The following WDPCP variants were observed in gnomAD, a reference collection of about 807,000 sequenced individuals.
The protein encoded by WDPCP is WD repeat containing planar cell polarity effector.
Under a neutral mutation model 93.1 loss-of-function variants are expected in WDPCP, and 71 were observed. The ratio of observed to expected loss-of-function variants is 0.76; its 90% confidence interval spans 0.63 to 0.93. WDPCP has a LOEUF of 0.93. WDPCP is among the 40% of genes least tolerant of loss of function. The pLI is 0.00. For missense variants in WDPCP, 844 were observed against 887.4 expected (o/e 0.95, Z 0.62); for synonymous variants, 315 against 315.0 (o/e 1.00, Z 0.00).
Position 63,662,582 on chromosome 2 carries a change from A to G in WDPCP, n.309-11744T>C, listed in dbSNP as rs183769511. ...GTTGCAGCACAGGAGAGGAATACCA[A>G]AGTCATGAGACTTGGAGCTTTATAT... On this transcript the variant is annotated intron_variant and non_coding_transcript_variant, in intron 2 of 4. Coordinates refer to the WDPCP transcript ENST00000467687. 8.0e-4 allele frequency among the ~76,000 whole-genome samples: 121 copies of G among 151,840 alleles called. 1 individual carries two copies. The highest frequency in any genetic ancestry group is 7.9e-3 in the Admixed American group (121 of 15,246).
At chr2:63,453,778 G>A (rs1429077349) in intron 6 of WDPCP, among the ~76,000 whole-genome samples, 3 of 152,038 alleles carry the variant, frequency 2.0e-5, no homozygotes, top group East Asian at 1.9e-4. Flanking sequence ...AAAAGGATGG[G>A]TGCATGTCCT....
intron 2 of WDPCP, among the ~76,000 whole-genome samples, chr2:63,653,909 C>CAAAA (rs34250036): frequency 1.9e-3 from 260 of 133,524 alleles, no homozygotes; most frequent in African/African-American, 6.5e-3. Context: ...GACTCCATCT[C>CAAAA]AAAAAAAAAA....
At chr2:63,797,276 A>G (rs953128439) in intron 2 of WDPCP, among the ~76,000 whole-genome samples, 1 of 152,066 alleles carries the variant, frequency 6.6e-6, no homozygotes, top group Admixed American at 6.6e-5. Context: ...AGTTCCTACG[A>G]GGAGGACTCT....
chr2:63,677,735 A>T (rs1004445479), intron 2 of WDPCP, among the ~76,000 whole-genome samples: 10 of 152,196 alleles, frequency 6.6e-5, no homozygotes, highest in Admixed American at 3.3e-4. Context: ...ATGAAGTAAA[A>T]TAAGAGCATT....
chr2:63,182,715 T>C (rs1245014088), intron 14 of WDPCP, among the ~76,000 whole-genome samples: 1 of 151,880 alleles, frequency 6.6e-6, no homozygotes. Context: ...TCAGAGGGCA[T>C]TGGTACCAGT....
chr2:63,405,581 G>A (rs193044634), intron 9 of WDPCP, among the ~76,000 whole-genome samples: 9 of 136,286 alleles, frequency 6.6e-5, no homozygotes, highest in African/African-American at 2.4e-4. Context: ...GTGTGTGTGT[G>A]TGTGTTGGCG....
chr2:63,382,827 C>G (rs1692420965), intron 10 of WDPCP, among the ~76,000 whole-genome samples: 1 of 152,078 alleles, frequency 6.6e-6, no homozygotes, highest in Non-Finnish European at 1.5e-5. Context: ...TGGGGAATTG[C>G]CCTGACTATA....
chr2:63,607,458 C>T (rs553775088), intron 3 of WDPCP, among the ~76,000 whole-genome samples: 1 of 150,590 alleles, frequency 6.6e-6, no homozygotes, highest in Admixed American at 6.6e-5. Context: ...AATAGGTTGT[C>T]CCGGGGGGCG....
chr2:63,507,931 T>C (rs1290462079), intron 1 of WDPCP, among the ~76,000 whole-genome samples: 1 of 152,134 alleles, frequency 6.6e-6, no homozygotes, highest in Non-Finnish European at 1.5e-5. Context: ...AATATGGGAC[T>C]ATGTGAAAAG....
At chr2:63,225,116 A>ATACTT (rs1678173738) in intron 14 of WDPCP, among the ~76,000 whole-genome samples, 2 of 151,882 alleles carry the variant, frequency 1.3e-5, no homozygotes, top group African/African-American at 4.8e-5. Flanking sequence ...GAATGAAAAA[A>ATACTT]TACTTTTCAG....
intron 14 of WDPCP, among the ~76,000 whole-genome samples, chr2:63,224,969 G>A (rs1678160184): frequency 6.6e-6 from 1 of 151,588 alleles, no homozygotes; most frequent in South Asian, 2.1e-4. Flanking sequence ...TGTTGTTATA[G>A]GGGAAGACTG....
chr2:63,824,167 G>A (rs1434846010), intron 1 of WDPCP, among the ~76,000 whole-genome samples: 1 of 151,982 alleles, frequency 6.6e-6, no homozygotes, highest in Non-Finnish European at 1.5e-5. Context: ...AGATCTGATG[G>A]TTTTATAAGT....
At chr2:63,722,130 C>T (rs1486999207) in intron 2 of WDPCP, among the ~76,000 whole-genome samples, 2 of 152,162 alleles carry the variant, frequency 1.3e-5, no homozygotes, top group African/African-American at 4.8e-5. Context: ...GCCGAGATTG[C>T]AGCCTCTGCC....
intron 2 of WDPCP, among the ~76,000 whole-genome samples, chr2:63,700,297 AAAAAAAC>A (rs1328989873): frequency 0.025 from 2,735 of 109,904 alleles, 58 homozygotes; most frequent in Middle Eastern, 0.065. Flanking sequence ...AAAAAAAAAA[AAAAAAAC>A]AAAAAGAAAA....
intron 2 of WDPCP, among the ~76,000 whole-genome samples, chr2:63,741,133 G>A (rs1273314350): frequency 2.0e-5 from 3 of 152,074 alleles, no homozygotes; most frequent in Non-Finnish European, 4.4e-5. Context: ...GGAATTTTCT[G>A]GATAAAGGTT....
chr2:63,667,535 G>A (rs1422257580), intron 2 of WDPCP, among the ~76,000 whole-genome samples: 1 of 152,164 alleles, frequency 6.6e-6, no homozygotes, highest in African/African-American at 2.4e-5. Context: ...TTTTCAAGGT[G>A]GAGTTATATT....
chr2:63,190,146 G>A (rs778772274), intron 14 of WDPCP, among the ~76,000 whole-genome samples: 1 of 152,132 alleles, frequency 6.6e-6, no homozygotes, highest in Non-Finnish European at 1.5e-5. Flanking sequence ...GTAGAGAAGA[G>A]GCCGGGTGCT....
chr2:63,131,833 C>CTTTTT (rs55670342), intron 17 of WDPCP, among the ~76,000 whole-genome samples: 14 of 107,710 alleles, frequency 1.3e-4, no homozygotes, highest in South Asian at 3.2e-4. Flanking sequence ...ATACAGTATT[C>CTTTTT]TTTTTTTTTT....
chr2:63,650,219 G>C (rs1026706573), intron 3 of WDPCP, among the ~76,000 whole-genome samples: 2 of 152,194 alleles, frequency 1.3e-5, no homozygotes, highest in Admixed American at 1.3e-4. Context: ...CAGTCACCTG[G>C]AGGACTTATT....
Sources: gnomAD v4.1 joint callset for allele counts (sites outside exome capture counted in the v4.1 genomes callset) on GRCh38, gnomAD v4.1.1 for gene constraint, MANE v1.5 for transcripts, NCBI Gene and HGNC (gene_info 2026-07-23, HGNC 2026-07-21) for gene names.